RPS20: variants seen among roughly 807,000 people sequenced by gnomAD.
RPS20 encodes the protein ribosomal protein S20.
In RPS20, 3 loss-of-function variants were observed where a neutral mutation model predicts 15.3. That is an observed-to-expected ratio of 0.20 (90% CI 0.09 to 0.51). The LOEUF (loss-of-function observed/expected upper bound fraction) is 0.51. Among genes scored for constraint, RPS20 ranks in the 20% least tolerant of loss-of-function variants. RPS20 has a pLI of 0.96. For synonymous variants in RPS20, 62 were observed against 47.8 expected (o/e 1.30, Z -1.23); for missense variants, 67 against 145.9 (o/e 0.46, Z 2.79).
At chr8:56,069,854 GAAAA>G (rs762983865), downstream of RPS20, 2 of 1,318,348 alleles carry the variant, frequency 1.5e-6, no homozygotes, top group Non-Finnish European at 2.1e-6. Context: ...AAAGTATTCA[GAAAA>G]AAAATTGTCT....
rs1215073060 is a variant in RPS20 at position 56,074,124 on chromosome 8, C to T, written c.39G>A (p.Pro13=). Residue 13 remains proline, a synonymous_variant, in exon 2 of 4, where the codon CCG becomes CCA. Transcript: ENST00000009589. ...FKDTGKTPVE[P]EVAIHRIRIT... is the part of the protein sequence containing the mutation. The stretch of plus-strand genomic sequence containing the variant: ...TTCGAATTCGGTGAATTGCCACCTC[C>T]GGCTCCACGGGTGTTTTTCCGGTAT... 6.2e-7 allele frequency: 1 copy of T among 1,613,722 alleles called. No individual in the cohort carries two copies. Among genetic ancestry groups the T allele is most frequent in the Admixed American group, 1.7e-5 (1 of 60,020 alleles).
intron 3 of RPS20, 182 bp downstream of exon 3, chr8:56,073,513 A>G (rs1458974574): frequency 6.1e-6 from 4 of 651,912 alleles, no homozygotes; most frequent in Non-Finnish European, 1.1e-5. Context: ...CAGCAACAAT[A>G]ATTCAACAAT....
chr8:56,074,488 C>A lies in RPS20; in HGVS notation c.-105G>T. The A allele has an allele frequency of 7.9e-7, 1 of 1,269,608 alleles. No individual in the cohort carries two copies. The highest frequency in any genetic ancestry group is 2.3e-5 in the Admixed American group (1 of 43,984). 78.6% of individuals were successfully genotyped at this position (1,269,608 alleles called of 1,614,324 possible). On this transcript the variant is annotated 5_prime_UTR_variant, in exon 1 of 4. Coordinates refer to ENST00000009589, the MANE Select transcript of RPS20 (RefSeq NM_001023.4). Reference sequence around the variant, plus strand: ...GACCAAAAATCCTCAGCCCTTACGACCGCGTCTTCCTCAAAAAGAAAGGGG... The same window carrying A: ...GACCAAAAATCCTCAGCCCTTACGAACGCGTCTTCCTCAAAAAGAAAGGGG...
chr8:56,073,791 C>G, intron 2 of RPS20, 23 bp from the exon 3 acceptor site: 13 of 1,607,510 alleles, frequency 8.1e-6, no homozygotes, highest in Non-Finnish European at 1.1e-5. Flanking sequence ...AAAGACCTCT[C>G]AGTATAATCG....
chr8:56,069,636 G>A, downstream of RPS20: 2 of 1,047,720 alleles, frequency 1.9e-6, no homozygotes, highest in Admixed American at 2.1e-5. Context: ...AATTTCATTT[G>A]CATCCACTGA....
At chr8:56,073,408 G>A in intron 3 of RPS20, 136 bp from the exon 4 acceptor site, 2 of 694,424 alleles carry the variant, frequency 2.9e-6, no homozygotes, top group Non-Finnish European at 4.9e-6. Context: ...AGATTTTCAG[G>A]TACCATGGGT....
chr8:56,069,039 C>G (rs1183781932), downstream of RPS20, among the ~76,000 whole-genome samples: 1 of 149,072 alleles, frequency 6.7e-6, no homozygotes, highest in Non-Finnish European at 1.5e-5. Flanking sequence ...CTCAGATGAT[C>G]CATGGGGTGA....
chr8:56,071,617 C>T (rs530163868), downstream of RPS20, among the ~76,000 whole-genome samples: 26 of 152,282 alleles, frequency 1.7e-4, no homozygotes, highest in South Asian at 4.6e-3. Context: ...TGGATTCAGA[C>T]TAGGAACACA....
At chr8:56,069,839 G>C, downstream of RPS20, 1 of 1,426,804 alleles carries the variant, frequency 7.0e-7, no homozygotes, top group Non-Finnish European at 9.7e-7. Flanking sequence ...ATCAACTGTA[G>C]ATCAAAAGTA....
rs1218989380 is a variant in RPS20, at chr8:56,073,341, C to G, written c.178-69G>C. On this transcript the variant is annotated intron_variant, in intron 3 of 3. Transcript: ENST00000009589. ...CTTATCCCTAGAACATCTGGAAAATCATTACTTCTAATCATTTCATTAGTT... is the reference window on the plus strand; with the variant it reads ...CTTATCCCTAGAACATCTGGAAAATGATTACTTCTAATCATTTCATTAGTT... The G allele has an allele frequency of 9.2e-6, 9 of 977,114 alleles. No homozygotes were observed. The Admixed American group carries it at 1.2e-4, about 13-fold the overall frequency. The allele number at this position is 977,114 out of a possible 1,614,324, so 60.5% of individuals were successfully genotyped here. A position where few individuals can be genotyped will look rare whatever the true frequency, so the allele number is the denominator to read the frequency against.
At chr8:56,069,229 TCTGA>T (rs1809687815), downstream of RPS20, among the ~76,000 whole-genome samples, 2 of 151,250 alleles carry the variant, frequency 1.3e-5, no homozygotes, top group South Asian at 4.1e-4. Flanking sequence ...ATTTTGCGCC[TCTGA>T]CTTACTTTTT....
chr8:56,067,628 G>A (rs1428960275), exon 6 of RPS20: 2 of 151,898 alleles, frequency 1.3e-5, no homozygotes, highest in Non-Finnish European at 2.9e-5. Context: ...GGAGCTTGCA[G>A]TGAGCCGAGA....
chr8:56,072,053 G>A (rs1431431294), downstream of RPS20, among the ~76,000 whole-genome samples: 1 of 151,850 alleles, frequency 6.6e-6, no homozygotes, highest in African/African-American at 2.4e-5. Context: ...GACCAGCCTG[G>A]GCAACATGGC....
chr8:56,071,963 T>G (rs1233103685), downstream of RPS20, among the ~76,000 whole-genome samples: 1 of 152,210 alleles, frequency 6.6e-6, no homozygotes, highest in East Asian at 1.9e-4. Context: ...AATTCTAGGC[T>G]GGGTACAGTG....
downstream of RPS20, among the ~76,000 whole-genome samples, chr8:56,069,464 A>C (rs757231069): frequency 6.6e-6 from 1 of 151,884 alleles, no homozygotes; most frequent in Non-Finnish European, 1.5e-5. Context: ...ACACCTGGCT[A>C]ATTTTTGTAT....
downstream of RPS20, chr8:56,072,818 A>G: frequency 3.6e-6 from 4 of 1,119,800 alleles, no homozygotes; most frequent in South Asian, 8.7e-5. Flanking sequence ...ACCCCATACC[A>G]ATCAGAATTT....
chr8:56,070,227 C>A (rs563628319), downstream of RPS20, among the ~76,000 whole-genome samples: 1 of 152,272 alleles, frequency 6.6e-6, no homozygotes, highest in South Asian at 2.1e-4. Context: ...ACAGTGAACA[C>A]CCATATATGC....
chr8:56,074,333 G>A (rs760498778), intron 1 of RPS20, 48 bp downstream of exon 1: 1 of 1,547,692 alleles, frequency 6.5e-7, no homozygotes, highest in Admixed American at 1.9e-5. Context: ...GGGTCCCCCC[G>A]GCGCCCGAGC....
chr8:56,073,015 C>T (rs777901837), downstream of RPS20: 44 of 1,547,578 alleles, frequency 2.8e-5, no homozygotes, highest in South Asian at 3.9e-4. Flanking sequence ...CTTTATATTC[C>T]TAAAATCTGC....
Sources: allele counts gnomAD v4.1 joint callset (sites outside exome capture counted in the v4.1 genomes callset), GRCh38; gene constraint gnomAD v4.1.1; transcripts MANE v1.5; gene names NCBI Gene and HGNC (gene_info 2026-07-23, HGNC 2026-07-21).